The following FOXP2 variants were observed in gnomAD, a reference collection of about 807,000 sequenced individuals.
The protein encoded by FOXP2 is forkhead box protein P2.
Under a neutral mutation model 115.8 loss-of-function variants are expected in FOXP2, and 12 were observed. That is an observed-to-expected ratio of 0.10 (90% CI 0.07 to 0.17). The LOEUF is 0.17. FOXP2 is among the 10% of genes least tolerant of loss of function. The pLI is 1.00. For missense variants in FOXP2, 629 were observed against 843.5 expected, an observed-to-expected ratio of 0.75 and a Z score of 3.15; for synonymous variants, 328 against 297.7, an observed-to-expected ratio of 1.10 and a Z score of -1.05.
intron 1 of FOXP2, among the ~76,000 whole-genome samples, chr7:114,107,671 T>TC (rs1791154995): frequency 6.6e-6 from 1 of 151,994 alleles, no homozygotes; most frequent in African/African-American, 2.4e-5. Context: ...GTTGGGAGCA[T>TC]ATGTTAGTGA....
intron 6 of FOXP2, among the ~76,000 whole-genome samples, chr7:114,632,627 C>G (rs1280536164): frequency 6.6e-6 from 1 of 152,068 alleles, no homozygotes; most frequent in Non-Finnish European, 1.5e-5. Context: ...AAAGGACATA[C>G]TAAAGAAAAT....
intron 2 of FOXP2, among the ~76,000 whole-genome samples, chr7:114,465,688 C>T (rs1441229177): frequency 6.6e-6 from 1 of 152,208 alleles, no homozygotes; most frequent in Non-Finnish European, 1.5e-5. Context: ...CCAAAGATAA[C>T]AGCCTATCCA....
chr7:114,397,535 T>C (rs1329983839), intron 2 of FOXP2, among the ~76,000 whole-genome samples: 2 of 152,132 alleles, frequency 1.3e-5, no homozygotes, highest in Non-Finnish European at 2.9e-5. Context: ...TGAATTTGAA[T>C]TGTAAGAAAG....
At chr7:114,086,583 G>A (rs767280173), upstream of FOXP2, 7 of 410,956 alleles carry the variant, frequency 1.7e-5, no homozygotes, top group South Asian at 1.0e-4. Context: ...CCACCTCCCG[G>A]GACGCTGCCC....
chr7:114,282,168 A>G (rs1796355262), intron 1 of FOXP2, among the ~76,000 whole-genome samples: 1 of 152,228 alleles, frequency 6.6e-6, no homozygotes, highest in Non-Finnish European at 1.5e-5. Flanking sequence ...TAGATTAGCT[A>G]TAATTAGTAT....
chr7:114,320,423 A>G (rs1016563921), intron 2 of FOXP2, among the ~76,000 whole-genome samples: 1 of 152,054 alleles, frequency 6.6e-6, no homozygotes, highest in Non-Finnish European at 1.5e-5. Flanking sequence ...ACAACTACTC[A>G]TTGTTCAAGT....
intron 2 of FOXP2, among the ~76,000 whole-genome samples, chr7:114,346,538 A>G (rs973263184): frequency 9.2e-5 from 14 of 151,856 alleles, no homozygotes. Flanking sequence ...GTGTCCAATA[A>G]TAGATGAGTG....
chr7:114,223,290 C>T (rs1419090110), intron 1 of FOXP2, among the ~76,000 whole-genome samples: 2 of 151,950 alleles, frequency 1.3e-5, no homozygotes, highest in Non-Finnish European at 2.9e-5. Flanking sequence ...TTGTTTCCCT[C>T]AGTCTAATGG....
At position 114,586,747 on chromosome 7, in the gene FOXP2, G is replaced by A. The variant is rs1330540861; in HGVS notation, c.259-41793G>A. Reference sequence around the variant, plus strand: ...TTCCATCTTAACTGAGATTTTTATAGGGAGGTTTCCCTCAAAACAGTCATT... The same window carrying A: ...TTCCATCTTAACTGAGATTTTTATAAGGAGGTTTCCCTCAAAACAGTCATT... On this transcript the variant is annotated intron_variant, in intron 3 of 16. Coordinates refer to ENST00000350908, the MANE Select transcript of FOXP2 (RefSeq NM_014491.4). 2.0e-5 allele frequency among the ~76,000 whole-genome samples: 3 copies of A among 151,956 alleles called. No homozygotes were observed. In the East Asian group the frequency reaches 5.8e-4, roughly 29 times the overall value.
chr7:114,135,408 A>G (rs1473260156), intron 1 of FOXP2, among the ~76,000 whole-genome samples: 1 of 152,142 alleles, frequency 6.6e-6, no homozygotes, highest in Non-Finnish European at 1.5e-5. Flanking sequence ...TGCTATTTTC[A>G]TTGCTGTTGG....
chr7:114,644,805 T>G lies in FOXP2; in HGVS notation c.1094+16T>G. ...AGTTTTTAAAGTAGGTTTTTTACTTTTTTTTGGTGGGGGGCGGGGGCTGGA... is the reference window on the plus strand; with the variant it reads ...AGTTTTTAAAGTAGGTTTTTTACTTGTTTTTGGTGGGGGGCGGGGGCTGGA... On this transcript the variant is annotated intron_variant, in intron 8 of 16. Transcript: ENST00000350908. 1 of 1,605,524 alleles carries G rather than the reference T, an allele frequency of 6.2e-7. No individual in the cohort carries two copies. Among genetic ancestry groups the G allele is most frequent in the East Asian group, 2.2e-5 (1 of 44,744 alleles).
intron 1 of FOXP2, among the ~76,000 whole-genome samples, chr7:114,088,461 T>C (rs1562960167): frequency 1.3e-5 from 2 of 152,224 alleles, no homozygotes; most frequent in Non-Finnish European, 2.9e-5. Flanking sequence ...CGCCCTGTTG[T>C]CAAGCAGCTG....
chr7:114,134,484 C>T (rs995776673), intron 1 of FOXP2, among the ~76,000 whole-genome samples: 1 of 151,954 alleles, frequency 6.6e-6, no homozygotes, highest in South Asian at 2.1e-4. Context: ...GAGGCCGAGG[C>T]GGGCGGATCA....
chr7:114,554,034 C>A (rs1448133423), intron 3 of FOXP2, among the ~76,000 whole-genome samples: 1 of 152,070 alleles, frequency 6.6e-6, no homozygotes, highest in South Asian at 2.1e-4. Flanking sequence ...AAATAAAAAT[C>A]TCTATTATTA....
At chr7:114,469,608 A>G (rs1182303032) in intron 2 of FOXP2, among the ~76,000 whole-genome samples, 1 of 152,186 alleles carries the variant, frequency 6.6e-6, no homozygotes, top group Non-Finnish European at 1.5e-5. Flanking sequence ...TTATAAGTTG[A>G]TGTGTTGATA....
intron 2 of FOXP2, among the ~76,000 whole-genome samples, chr7:114,404,267 A>G (rs1049894949): frequency 2.0e-5 from 3 of 152,178 alleles, no homozygotes; most frequent in African/African-American, 7.2e-5. Context: ...AAGAATTTGG[A>G]CATATGATTG....
chr7:114,590,813 G>A (rs1410941329), intron 3 of FOXP2, among the ~76,000 whole-genome samples: 1 of 152,158 alleles, frequency 6.6e-6, no homozygotes, highest in African/African-American at 2.4e-5. Flanking sequence ...TGCAGGATAT[G>A]ATCATCTGGA....
At chr7:114,506,362 T>C (rs1403656406) in intron 2 of FOXP2, among the ~76,000 whole-genome samples, 2 of 151,678 alleles carry the variant, frequency 1.3e-5, no homozygotes, top group Non-Finnish European at 3.0e-5. Flanking sequence ...CAAAATGTCT[T>C]CATATTTTTT....
chr7:114,595,046 A>C (rs1056435497), intron 3 of FOXP2, among the ~76,000 whole-genome samples: 2 of 152,044 alleles, frequency 1.3e-5, no homozygotes, highest in Admixed American at 6.6e-5. Flanking sequence ...AAGCAAGTGC[A>C]TGATATTTAT....
Sources: allele counts gnomAD v4.1 joint callset (sites outside exome capture counted in the v4.1 genomes callset), GRCh38; gene constraint gnomAD v4.1.1; transcripts MANE v1.5; gene names NCBI Gene and HGNC (gene_info 2026-07-23, HGNC 2026-07-21).